The following XDH variants were observed in gnomAD, a reference collection of about 807,000 sequenced individuals.
XDH encodes xanthine dehydrogenase/oxidase.
In XDH, 138 loss-of-function variants were observed where a neutral mutation model predicts 156.1. The ratio of observed to expected loss-of-function variants is 0.88; its 90% CI spans 0.77 to 1.02. XDH has a LOEUF of 1.02. Ranked by LOEUF, XDH falls within the 50% of genes least tolerant of loss-of-function variation. The probability of loss-of-function intolerance (pLI) is 0.00; values close to 1 mark genes in which losing one functional copy is unlikely to be tolerated. For synonymous variants in XDH, 669 were observed against 625.7 expected (o/e 1.07, Z -1.03); for missense variants, 1,849 against 1,684.9 (o/e 1.10, Z -1.71).
At chr2:31,393,650 A>G (rs1230337733) in intron 6 of XDH, among the ~76,000 whole-genome samples, 1 of 152,056 alleles carries the variant, frequency 6.6e-6, no homozygotes, top group East Asian at 1.9e-4. Context: ...AGTATCTACC[A>G]TATTTGTTAT....
At chr2:31,344,892 A>T (rs1038147093) in intron 30 of XDH, among the ~76,000 whole-genome samples, 156 bp from the exon 31 acceptor site, 3 of 152,148 alleles carry the variant, frequency 2.0e-5, no homozygotes, top group Admixed American at 2.0e-4. Context: ...TGTCACTGGC[A>T]CCACCTGCAC....
chr2:31,346,378 G>C (rs961304371), intron 30 of XDH, among the ~76,000 whole-genome samples: 6 of 152,186 alleles, frequency 3.9e-5, no homozygotes, highest in Non-Finnish European at 7.3e-5. Context: ...TCAGACTCAA[G>C]AGATGGAGAT....
At chr2:31,404,545 T>A (rs898027551) in intron 2 of XDH, among the ~76,000 whole-genome samples, 1 of 152,218 alleles carries the variant, frequency 6.6e-6, no homozygotes, top group African/African-American at 2.4e-5. Flanking sequence ...CAATTGCTGA[T>A]AAGGAATTTC....
intron 11 of XDH, 22 bp from the exon 12 acceptor site, chr2:31,381,748 C>T: frequency 6.2e-7 from 1 of 1,601,274 alleles, no homozygotes; most frequent in Middle Eastern, 1.7e-4. Flanking sequence ...AGAGAGCATG[C>T]AGTGAGAGCC....
At chr2:31,391,421 T>A (rs1326959436) in intron 6 of XDH, among the ~76,000 whole-genome samples, 3 of 152,140 alleles carry the variant, frequency 2.0e-5, no homozygotes, top group South Asian at 2.1e-4. Flanking sequence ...AATCTTGAAA[T>A]TGGGTAGTGT....
chr2:31,365,395 C>A (rs1014784878), intron 23 of XDH, 62 bp downstream of exon 23: 1 of 1,575,832 alleles, frequency 6.3e-7, no homozygotes, highest in African/African-American at 1.3e-5. Flanking sequence ...CCTGGACATT[C>A]GGTCCCAGCT....
intron 30 of XDH, among the ~76,000 whole-genome samples, chr2:31,345,897 C>T (rs1267823330): frequency 6.6e-6 from 1 of 152,128 alleles, no homozygotes; most frequent in Non-Finnish European, 1.5e-5. Context: ...TTTAAACTGC[C>T]TGATAAATCC....
Position 31,348,289 on chromosome 2 carries a change from G to A in XDH, c.3126C>T (p.Gly1042=), listed in dbSNP as rs141214032. ...LTHGGTEMGQ[G]LHTKMVQVAS... ...TCACCTGGACCATTTTGGTATGAAG[G>A]CCTTGGCCCATCTCAGTCCCCCCGT... Residue 1042 remains glycine, a synonymous_variant, in exon 28 of 36, where the codon GGC becomes GGT. Coordinates refer to ENST00000379416, the MANE Select transcript of XDH (RefSeq NM_000379.4). The A allele has an allele frequency of 6.2e-7, 1 of 1,614,206 alleles. No individual in the cohort carries two copies. Among genetic ancestry groups the A allele is most frequent in the Non-Finnish European group, 8.5e-7 (1 of 1,180,036 alleles).
intron 1 of XDH, among the ~76,000 whole-genome samples, chr2:31,409,889 G>A (rs1353899463): frequency 6.6e-6 from 1 of 152,142 alleles, no homozygotes; most frequent in Non-Finnish European, 1.5e-5. Context: ...TCCACTTCTG[G>A]ATTTATACCC....
intron 22 of XDH, 34 bp from the exon 23 acceptor site, chr2:31,365,578 G>C (rs534969256): frequency 6.2e-7 from 1 of 1,610,766 alleles, no homozygotes; most frequent in Non-Finnish European, 8.5e-7. Context: ...AAGCCTGTGA[G>C]CCTTCAACAG....
intron 15 of XDH, among the ~76,000 whole-genome samples, chr2:31,374,379 C>T (rs1020276550): frequency 5.3e-5 from 8 of 152,152 alleles, no homozygotes; most frequent in Non-Finnish European, 1.2e-4. Flanking sequence ...GCGCTATATG[C>T]AGTGTGGTCC....
chr2:31,376,754 T>A (rs978111310), intron 14 of XDH, among the ~76,000 whole-genome samples: 11 of 145,314 alleles, frequency 7.6e-5, no homozygotes, highest in African/African-American at 2.9e-4. Flanking sequence ...GTAGTAGCAA[T>A]CATAATATTA....
Position 31,335,236 on chromosome 2 carries a change from T to C in XDH, c.*722A>G, listed in dbSNP as rs1192578476. 2 of 150,624 alleles carry C rather than the reference T, an allele frequency of 1.3e-5. No homozygotes were observed. The highest frequency in any genetic ancestry group is 4.9e-5 in the African/African-American group (2 of 41,234). 9.3% of individuals were successfully genotyped at this position (150,624 alleles called of 1,614,324 possible). On this transcript the variant is annotated 3_prime_UTR_variant, in exon 36 of 36. Coordinates refer to ENST00000379416, the MANE Select transcript of XDH (RefSeq NM_000379.4). ...ATGTAAAGATTAAACATAATCTTTT[T>C]TGTAAATACTCAAAGAGTATTTGGA...
chr2:31,403,567 T>C (rs1261546813), intron 2 of XDH, among the ~76,000 whole-genome samples: 2 of 152,164 alleles, frequency 1.3e-5, no homozygotes, highest in Non-Finnish European at 2.9e-5. Flanking sequence ...AATGAGACAT[T>C]GATCTGTTCT....
At chr2:31,382,698 G>A (rs961668032) in intron 11 of XDH, among the ~76,000 whole-genome samples, 5 of 152,166 alleles carry the variant, frequency 3.3e-5, no homozygotes, top group Non-Finnish European at 7.3e-5. Flanking sequence ...GAGGGAGGCA[G>A]GAAGCCTCAT....
chr2:31,411,390 A>G (rs549011970), intron 1 of XDH, among the ~76,000 whole-genome samples: 2 of 151,970 alleles, frequency 1.3e-5, no homozygotes, highest in East Asian at 3.9e-4. Flanking sequence ...TATACTATAT[A>G]TTCATTTATA....
chr2:31,365,106 A>C (rs1223826439), intron 23 of XDH, among the ~76,000 whole-genome samples: 4 of 152,158 alleles, frequency 2.6e-5, no homozygotes, highest in African/African-American at 9.7e-5. Flanking sequence ...CTAAGCTGTC[A>C]TTCCAATTTT....
intron 15 of XDH, 26 bp downstream of exon 15, chr2:31,375,354 C>A (rs1241411722): frequency 2.5e-6 from 4 of 1,613,956 alleles, no homozygotes; most frequent in Middle Eastern, 3.3e-4. Context: ...CTACAGAGAG[C>A]CTGTGCCTGG....
At chr2:31,341,524 G>A in intron 32 of XDH, 130 bp from the exon 33 acceptor site, 3 of 944,474 alleles carry the variant, frequency 3.2e-6, no homozygotes, top group African/African-American at 1.6e-5. Flanking sequence ...AAAGCCCTGG[G>A]TGTGCTCAGG....
Sources: allele counts gnomAD v4.1 joint callset (sites outside exome capture counted in the v4.1 genomes callset), GRCh38; gene constraint gnomAD v4.1.1; transcripts MANE v1.5; gene names NCBI Gene and HGNC (gene_info 2026-07-23, HGNC 2026-07-21).